KLHL13: variants seen among roughly 807,000 people sequenced by gnomAD.
KLHL13 encodes kelch like family member 13, also known as kelch-like protein 13.
KLHL13 carries 10 observed loss-of-function variants against 37.1 expected under a neutral mutation model. That is an observed-to-expected ratio of 0.27 (90% CI 0.17 to 0.46). The LOEUF (loss-of-function observed/expected upper bound fraction) is 0.46, where lower values mean the gene tolerates loss of function less well. Among genes scored for constraint, KLHL13 ranks in the 20% least tolerant of loss-of-function variants. KLHL13 has a pLI of 1.00. For synonymous variants in KLHL13, 163 were observed against 181.2 expected (o/e 0.90, Z 0.81); for missense variants, 360 against 509.3 (o/e 0.71, Z 2.82).
rs765661990 is a variant in KLHL13, at chrX:117,909,288, T to C, written c.1366+13A>G. On this transcript the variant is annotated intron_variant, in intron 5 of 6. Coordinates refer to ENST00000262820, the Ensembl canonical transcript of KLHL13. ...AAGAAATTTGTCTCTATGCTTAATA[T>C]AAATGCACTTACGCAGTTCACCTGC... 1.7e-6 allele frequency: 2 copies of C among 1,143,168 alleles called. 1 individual carries two copies. Among genetic ancestry groups the C allele is most frequent in the Admixed American group, 5.6e-5 (2 of 35,680 alleles). 94.2% of individuals were successfully genotyped at this position (1,143,168 alleles called of 1,213,427 possible). A position where few individuals can be genotyped will look rare whatever the true frequency, so the allele number is the denominator to read the frequency against.
At chrX:117,922,218 G>A (rs1931746659) in intron 2 of KLHL13, among the ~76,000 whole-genome samples, 1 of 110,880 alleles carries the variant, frequency 9.0e-6, no homozygotes, top group African/African-American at 3.3e-5. Context: ...ACAGAGTCTC[G>A]CTCTGTCGCC....
intron 1 of KLHL13, among the ~76,000 whole-genome samples, chrX:118,112,791 TC>T (rs755342769): frequency 4.1e-4 from 46 of 111,830 alleles, no homozygotes; most frequent in Non-Finnish European, 8.1e-4. Context: ...TGGATTGCTT[TC>T]AAGGAAGGGC....
At chrX:118,055,516 C>T (rs994860774) in intron 1 of KLHL13, among the ~76,000 whole-genome samples, 5 of 112,056 alleles carry the variant, frequency 4.5e-5, no homozygotes, top group Non-Finnish European at 9.4e-5. Context: ...GGACTTTTTA[C>T]AATTTCCCCC....
chrX:118,101,462 C>T (rs901915163), intron 1 of KLHL13, among the ~76,000 whole-genome samples: 2 of 111,460 alleles, frequency 1.8e-5, no homozygotes, highest in Admixed American at 9.6e-5. Flanking sequence ...ACTTGTAATA[C>T]AGGTTGCTAA....
chrX:118,032,441 C>T (rs1311620516), intron 1 of KLHL13, among the ~76,000 whole-genome samples: 2 of 111,852 alleles, frequency 1.8e-5, no homozygotes, highest in African/African-American at 6.5e-5. Flanking sequence ...CCCCTGACCC[C>T]CAAGCAGCCT....
chrX:117,952,408 A>T (rs1254458481), intron 1 of KLHL13, among the ~76,000 whole-genome samples: 2 of 109,451 alleles, frequency 1.8e-5, no homozygotes, highest in Admixed American at 1.9e-4. Context: ...TTAATTCAAG[A>T]TGGATTAAAG....
intron 1 of KLHL13, among the ~76,000 whole-genome samples, chrX:118,018,091 C>T (rs948755212): frequency 5.4e-5 from 6 of 111,364 alleles, no homozygotes; most frequent in Non-Finnish European, 1.1e-4. Context: ...CTCCCTATAG[C>T]TCATAAAGCA....
At chrX:117,974,088 T>C (rs1351754074), upstream of KLHL13, among the ~76,000 whole-genome samples, 1 of 111,492 alleles carries the variant, frequency 9.0e-6, no homozygotes, top group African/African-American at 3.3e-5. Context: ...GCGTTGTAAA[T>C]GCCCTGAAAG....
At chrX:117,945,140 C>T (rs931948884) in intron 2 of KLHL13, among the ~76,000 whole-genome samples, 2 of 111,633 alleles carry the variant, frequency 1.8e-5, no homozygotes, top group Non-Finnish European at 3.8e-5. Context: ...GTCCTTTATA[C>T]AAACCAAACA....
At chrX:117,929,270 A>G (rs975426988) in intron 2 of KLHL13, among the ~76,000 whole-genome samples, 4 of 112,133 alleles carry the variant, frequency 3.6e-5, no homozygotes, top group Non-Finnish European at 5.6e-5. Context: ...AAGAACACCA[A>G]TACCCCACAA....
chrX:118,035,325 T>C (rs1376686454), intron 1 of KLHL13, among the ~76,000 whole-genome samples: 1 of 105,138 alleles, frequency 9.5e-6, no homozygotes, highest in Non-Finnish European at 1.9e-5. Flanking sequence ...TTGATGAACA[T>C]TGATGCAAAA....
chrX:117,921,859 G>A (rs371517833), intron 2 of KLHL13, among the ~76,000 whole-genome samples: 11 of 112,169 alleles, frequency 9.8e-5, no homozygotes, highest in African/African-American at 3.6e-4. Flanking sequence ...TCTAGGGAAA[G>A]AGATGAATAT....
intron 1 of KLHL13, among the ~76,000 whole-genome samples, chrX:118,047,069 CAAGT>C (rs1462125423): frequency 9.0e-6 from 1 of 111,392 alleles, no homozygotes; most frequent in Non-Finnish European, 1.9e-5. Context: ...GCCTTTCAAA[CAAGT>C]AAGAGAAGGG....
At chrX:117,904,350 A>G (rs1930353891) in intron 5 of KLHL13, among the ~76,000 whole-genome samples, 1 of 111,439 alleles carries the variant, frequency 9.0e-6, no homozygotes, top group Non-Finnish European at 1.9e-5. Context: ...TCCATTTTCC[A>G]TATTTACACG....
intron 1 of KLHL13, among the ~76,000 whole-genome samples, chrX:118,085,338 T>C (rs916981793): frequency 2.7e-5 from 3 of 110,786 alleles, no homozygotes; most frequent in African/African-American, 9.9e-5. Context: ...AGCAAATCCA[T>C]AGAAACAGAA....
intron 5 of KLHL13, among the ~76,000 whole-genome samples, chrX:117,908,584 A>C (rs1006025912): frequency 1.8e-5 from 2 of 111,863 alleles, no homozygotes; most frequent in African/African-American, 6.5e-5. Context: ...ATTTTATCTG[A>C]AATAATAAAA....
chrX:118,051,137 A>G (rs1012419756), intron 1 of KLHL13, among the ~76,000 whole-genome samples: 2 of 110,839 alleles, frequency 1.8e-5, no homozygotes, highest in African/African-American at 6.6e-5. Context: ...CACCAATATC[A>G]TATTCTATAA....
At chrX:117,914,189 T>A (rs889534400) in intron 4 of KLHL13, 2 of 109,978 alleles carry the variant, frequency 1.8e-5, no homozygotes, top group South Asian at 3.9e-4. Flanking sequence ...ATTGGTGTTT[T>A]ATACAAAGAA....
intron 2 of KLHL13, among the ~76,000 whole-genome samples, chrX:117,942,586 C>G (rs1330664742): frequency 1.8e-5 from 2 of 110,950 alleles, no homozygotes; most frequent in Non-Finnish European, 3.8e-5. Flanking sequence ...TATGAAATGC[C>G]CTTCTTTGTC....
Sources: gnomAD v4.1 joint callset for allele counts (sites outside exome capture counted in the v4.1 genomes callset) on GRCh38, gnomAD v4.1.1 for gene constraint, MANE v1.5 for transcripts, NCBI Gene and HGNC (gene_info 2026-07-23, HGNC 2026-07-21) for gene names.